CSN1S1: variants seen among roughly 807,000 people sequenced by gnomAD.
CSN1S1 encodes the protein casein alpha s1.
A neutral mutation model predicts 49.1 loss-of-function variants in CSN1S1; 63 were observed. That is an observed-to-expected ratio of 1.28 (90% CI 1.05 to 1.58). CSN1S1 has a LOEUF of 1.58. Among genes scored for constraint, CSN1S1 ranks in the 40% most tolerant of loss-of-function variants. The probability of loss-of-function intolerance (pLI) is 0.00; values close to 1 mark genes in which losing one functional copy is unlikely to be tolerated. For missense variants in CSN1S1, 260 were observed against 224.7 expected (o/e 1.16, Z -1.01); for synonymous variants, 78 against 67.1 (o/e 1.16, Z -0.79).
chr4:69,936,440 C>CT lies in CSN1S1; in HGVS notation c.130-10dup. Reference sequence around the variant, plus strand: ...GTTTCACTAATATTGTTTATGTTTTCTTTTTTATCCCTAAGGAATACATGA... The same window carrying CT: ...GTTTCACTAATATTGTTTATGTTTTCTTTTTTTATCCCTAAGGAATACATGA... On this transcript the variant is annotated splice_polypyrimidine_tract_variant and intron_variant, in intron 5 of 15. Transcript: ENST00000246891. The CT allele has an allele frequency of 6.6e-7, 1 of 1,524,534 alleles. No homozygotes were observed. Among genetic ancestry groups the CT allele is most frequent in the Non-Finnish European group, 9.1e-7 (1 of 1,103,492 alleles). The allele number at this position is 1,524,534 out of a possible 1,614,324, so 94.4% of individuals were successfully genotyped here.
At chr4:69,936,637 C>T in intron 7 of CSN1S1, 30 bp downstream of exon 7, 1 of 1,576,916 alleles carries the variant, frequency 6.3e-7, no homozygotes, top group Non-Finnish European at 8.6e-7. Context: ...AAGAGTATGG[C>T]AAAAGTATAT....
At chr4:69,932,449 TA>T in intron 1 of CSN1S1, 94 bp from the exon 2 acceptor site, 1 of 1,035,184 alleles carries the variant, frequency 9.7e-7, no homozygotes, top group South Asian at 1.4e-5. Flanking sequence ...ACTTTTATCA[TA>T]ATTTGCTCCT....
rs373964656 is a variant in CSN1S1, at chr4:69,934,244, G to A, written c.84G>A (p.Gln28=). 103 of 1,610,412 alleles carry A rather than the reference G, an allele frequency of 6.4e-5. No homozygotes were observed. Among genetic ancestry groups the A allele is most frequent in the Non-Finnish European group, 8.1e-5 (95 of 1,178,014 alleles). The change falls in exon 3 of 16, where the codon CAG becomes CAA. Residue 28 remains glutamine, a splice_region_variant and synonymous_variant. Coordinates refer to ENST00000246891, the MANE Select transcript of CSN1S1 (RefSeq NM_001890.2). ...KLPLRYPERL[Q]NPSESSEPIP... ...CTCTTAGATACCCAGAACGCCTTCA[G>A]GTAAATATTCTATTCTGCATTCCAA...
At chr4:69,933,423 A>G (rs1722671259) in intron 2 of CSN1S1, among the ~76,000 whole-genome samples, 1 of 151,998 alleles carries the variant, frequency 6.6e-6, no homozygotes, top group South Asian at 2.1e-4. Flanking sequence ...TTACACTGAC[A>G]GACTTGTTCT....
chr4:69,939,111 G>A (rs1159146949), intron 9 of CSN1S1, 65 bp from the exon 10 acceptor site: 6 of 1,173,020 alleles, frequency 5.1e-6, no homozygotes, highest in Non-Finnish European at 7.5e-6. Context: ...TGATGACATG[G>A]AACTAGTTTC....
intron 9 of CSN1S1, 76 bp downstream of exon 9, chr4:69,937,899 A>ATGTGTGTACATTTG: frequency 9.9e-7 from 1 of 1,006,784 alleles, no homozygotes; most frequent in South Asian, 2.2e-5. Flanking sequence ...CATTTTAAAA[A>ATGTGTGTACATTTG]GACTGTCTTC....
At chr4:69,934,003 T>C (rs980991218) in intron 2 of CSN1S1, among the ~76,000 whole-genome samples, 2 of 152,050 alleles carry the variant, frequency 1.3e-5, no homozygotes, top group African/African-American at 4.8e-5. Context: ...ATGATTATTT[T>C]CCTTTGATAT....
intron 2 of CSN1S1, among the ~76,000 whole-genome samples, chr4:69,933,431 T>C (rs1252589039): frequency 6.6e-6 from 1 of 151,974 alleles, no homozygotes; most frequent in Non-Finnish European, 1.5e-5. Context: ...ACAGACTTGT[T>C]CTCTAAATTC....
In CSN1S1 at chr4:69,944,932, CACCGTTTTCCG is replaced by C. The variant is rs1211831061; in HGVS notation, c.488_498del (p.Pro163HisfsTer8). On this transcript the variant is annotated frameshift_variant, in exon 15 of 16. Transcript: ENST00000246891. LOFTEE classifies it high-confidence loss of function. ...CAAATCATGCAGTATGTTCCTTTCCCACCGTTTTCCGACATCTCCAATCCCACTGCTCATGA... is the reference window on the plus strand; with the variant it reads ...CAAATCATGCAGTATGTTCCTTTCCCACATCTCCAATCCCACTGCTCATGA... 1.2e-6 allele frequency: 2 copies of C among 1,612,874 alleles called. No individual in the cohort carries two copies. Among genetic ancestry groups the C allele is most frequent in the African/African-American group, 2.7e-5 (2 of 74,806 alleles).
intron 9 of CSN1S1, 74 bp downstream of exon 9, chr4:69,937,897 A>G: frequency 2.0e-6 from 2 of 1,021,838 alleles, no homozygotes; most frequent in South Asian, 4.3e-5. Flanking sequence ...TTCATTTTAA[A>G]AAGACTGTCT....
chr4:69,933,413 T>C (rs17696920), intron 2 of CSN1S1, among the ~76,000 whole-genome samples: 30,756 of 151,802 alleles, frequency 0.2, 3,931 homozygotes, highest in South Asian at 0.33. Context: ...AGCCTGTCAT[T>C]TACACTGACA....
chr4:69,941,542 A>C (rs1722967323), intron 12 of CSN1S1, among the ~76,000 whole-genome samples: 2 of 151,918 alleles, frequency 1.3e-5, no homozygotes, highest in Admixed American at 1.3e-4. Flanking sequence ...GTAACATAAA[A>C]GTCTTTCTTT....
intron 10 of CSN1S1, among the ~76,000 whole-genome samples, chr4:69,939,682 C>T (rs1005891839): frequency 2.6e-5 from 4 of 151,640 alleles, no homozygotes; most frequent in African/African-American, 4.8e-5. Flanking sequence ...AAAAGTGGTG[C>T]GGTTTTTCCT....
chr4:69,943,046 T>G (rs1318062998), intron 14 of CSN1S1, among the ~76,000 whole-genome samples: 1 of 147,536 alleles, frequency 6.8e-6, no homozygotes, highest in Non-Finnish European at 1.5e-5. Flanking sequence ...TTACCCTCAG[T>G]TTTTTTTTTC....
In CSN1S1 at chr4:69,937,780, A is replaced by G. The variant is rs1722837018; in HGVS notation, c.220-20A>G. 2 of 1,581,990 alleles carry G rather than the reference A, an allele frequency of 1.3e-6. No homozygotes were observed. Among genetic ancestry groups the G allele is most frequent in the East Asian group, 4.5e-5 (2 of 44,158 alleles). ...CTATTTGTCATGAAAAATGAAATTGATTATTTTTTCTTTCTTAAGAACTGT... is the reference window on the plus strand; with the variant it reads ...CTATTTGTCATGAAAAATGAAATTGGTTATTTTTTCTTTCTTAAGAACTGT... On this transcript the variant is annotated intron_variant, in intron 8 of 15. Transcript: ENST00000246891.
intron 9 of CSN1S1, among the ~76,000 whole-genome samples, chr4:69,938,817 C>A (rs1294898584): frequency 6.6e-6 from 1 of 151,492 alleles, no homozygotes; most frequent in Non-Finnish European, 1.5e-5. Flanking sequence ...GATGTTTAAC[C>A]CAGGGTTCTG....
At chr4:69,932,147 A>T (rs1461218437) in intron 1 of CSN1S1, among the ~76,000 whole-genome samples, 1 of 151,940 alleles carries the variant, frequency 6.6e-6, no homozygotes, top group South Asian at 2.1e-4. Context: ...ATTTAACTTT[A>T]TTGCCCACTT....
chr4:69,934,634 C>A (rs1722711894), intron 3 of CSN1S1, 56 bp from the exon 4 acceptor site: 2 of 1,513,818 alleles, frequency 1.3e-6, no homozygotes, highest in Admixed American at 3.4e-5. Flanking sequence ...ACAACTAATC[C>A]TACATTCTGT....
chr4:69,934,134 T>C, intron 2 of CSN1S1, 78 bp from the exon 3 acceptor site: 1 of 1,116,458 alleles, frequency 9.0e-7, no homozygotes. Flanking sequence ...AAAATCATCG[T>C]ATTATATGTG....
Sources: gnomAD v4.1 joint callset for allele counts (sites outside exome capture counted in the v4.1 genomes callset) on GRCh38, gnomAD v4.1.1 for gene constraint, MANE v1.5 for transcripts, NCBI Gene and HGNC (gene_info 2026-07-23, HGNC 2026-07-21) for gene names.